Variants in ARHGAP6 observed in about 807,000 individuals in gnomAD.
ARHGAP6 encodes the protein rho GTPase-activating protein 6.
In ARHGAP6, 16 loss-of-function variants were observed where a neutral mutation model predicts 55.7. That is an observed-to-expected ratio of 0.29 (90% CI 0.19 to 0.44). The LOEUF is 0.44. ARHGAP6 is among the 20% of genes least tolerant of loss of function. ARHGAP6 has a pLI of 1.00. For missense variants in ARHGAP6, 698 were observed against 808.9 expected, an observed-to-expected ratio of 0.86 and a Z score of 1.66; for synonymous variants, 382 against 360.9, an observed-to-expected ratio of 1.06 and a Z score of -0.66.
At chrX:11,571,276 G>A (rs1208936753) in intron 1 of ARHGAP6, among the ~76,000 whole-genome samples, 1 of 111,364 alleles carries the variant, frequency 9.0e-6, no homozygotes, top group African/African-American at 3.3e-5. Flanking sequence ...TTTTCATAGA[G>A]GGGTCACCTG....
intron 1 of ARHGAP6, among the ~76,000 whole-genome samples, chrX:11,593,232 G>A (rs1045286570): frequency 1.8e-5 from 2 of 111,869 alleles, no homozygotes; most frequent in Non-Finnish European, 3.8e-5. Flanking sequence ...AGAACCTCCT[G>A]TTCTTGTGAT....
intron 1 of ARHGAP6, among the ~76,000 whole-genome samples, chrX:11,339,844 C>T (rs1483500369): frequency 9.0e-6 from 1 of 111,173 alleles, no homozygotes; most frequent in Non-Finnish European, 1.9e-5. Flanking sequence ...ACTTGTTTCT[C>T]TCTCAATATT....
chrX:11,640,931 C>T (rs763253291), intron 1 of ARHGAP6, among the ~76,000 whole-genome samples: 2 of 111,476 alleles, frequency 1.8e-5, no homozygotes, highest in Non-Finnish European at 3.8e-5. Context: ...TTCCCTGTGT[C>T]CTACCTACCT....
At chrX:11,641,324 G>A (rs146332884) in intron 1 of ARHGAP6, among the ~76,000 whole-genome samples, 1,217 of 111,619 alleles carry the variant, frequency 0.011, 16 homozygotes, top group African/African-American at 0.038. Flanking sequence ...CATAGAAGCA[G>A]AGCAATTTCT....
intron 1 of ARHGAP6, among the ~76,000 whole-genome samples, chrX:11,420,042 A>G (rs951531521): frequency 1.8e-5 from 2 of 112,358 alleles, no homozygotes; most frequent in African/African-American, 6.5e-5. Context: ...TTTTCATTTG[A>G]AAGAGTCATG....
intron 1 of ARHGAP6, among the ~76,000 whole-genome samples, chrX:11,393,262 C>G (rs770621629): frequency 5.8e-4 from 64 of 109,857 alleles, no homozygotes; most frequent in African/African-American, 2.0e-3. Flanking sequence ...TTAAAGAAAA[C>G]AAACAAAAGC....
At chrX:11,660,067 G>A (rs756646069) in intron 1 of ARHGAP6, among the ~76,000 whole-genome samples, 3 of 111,517 alleles carry the variant, frequency 2.7e-5, no homozygotes, top group Non-Finnish European at 5.6e-5. Context: ...ACAGTGAGAC[G>A]CTTCGTAATT....
chrX:11,500,972 G>C (rs2050672338), intron 1 of ARHGAP6, among the ~76,000 whole-genome samples: 1 of 110,453 alleles, frequency 9.1e-6, no homozygotes, highest in Non-Finnish European at 1.9e-5. Flanking sequence ...TTGTTGGCAA[G>C]GTTTTGAAAC....
chrX:11,602,899 T>C (rs753110984), intron 1 of ARHGAP6, among the ~76,000 whole-genome samples: 3 of 112,578 alleles, frequency 2.7e-5, no homozygotes, highest in Non-Finnish European at 3.8e-5. Flanking sequence ...CTCAACTCAC[T>C]TGAGTGCTTA....
At chrX:11,283,749 A>C (rs979904900) in intron 1 of ARHGAP6, among the ~76,000 whole-genome samples, 34 of 111,483 alleles carry the variant, frequency 3.0e-4, no homozygotes, top group African/African-American at 9.1e-4. Flanking sequence ...AGATGGAGGA[A>C]GGAAACATGA....
intron 9 of ARHGAP6, among the ~76,000 whole-genome samples, chrX:11,168,636 C>T (rs2046047743): frequency 9.0e-6 from 1 of 111,232 alleles, no homozygotes; most frequent in African/African-American, 3.3e-5. Context: ...AAGGAAGGAG[C>T]CACAAAAGGC....
At chrX:11,427,037 G>A (rs1393972801) in intron 1 of ARHGAP6, among the ~76,000 whole-genome samples, 2 of 110,457 alleles carry the variant, frequency 1.8e-5, no homozygotes, top group Non-Finnish European at 3.8e-5. Flanking sequence ...ATTCTGTCCC[G>A]CCACAAAGTA....
At chrX:11,495,168 A>G (rs1255844502) in intron 1 of ARHGAP6, among the ~76,000 whole-genome samples, 1 of 112,056 alleles carries the variant, frequency 8.9e-6, no homozygotes, top group South Asian at 3.8e-4. Flanking sequence ...ATAGAGGCAG[A>G]AAATTCAGTT....
At chrX:11,285,868 A>G (rs984626405) in intron 1 of ARHGAP6, among the ~76,000 whole-genome samples, 2 of 112,616 alleles carry the variant, frequency 1.8e-5, no homozygotes, top group Non-Finnish European at 3.8e-5. Context: ...TCCTCTTTTT[A>G]GTCCATTCCT....
At chrX:11,526,443 G>GCACCT (rs199515932) in intron 1 of ARHGAP6, among the ~76,000 whole-genome samples, 4,944 of 111,811 alleles carry the variant, frequency 0.044, 280 homozygotes, top group African/African-American at 0.15. Context: ...GAAGCAGGCA[G>GCACCT]GACACCAGAA....
chrX:11,475,898 A>G (rs1348951252), intron 1 of ARHGAP6, among the ~76,000 whole-genome samples: 4 of 110,724 alleles, frequency 3.6e-5, no homozygotes, highest in Non-Finnish European at 7.6e-5. Context: ...CAAATAAACA[A>G]AACAATAGGA....
At chrX:11,365,581 TC>T (rs753587378) in intron 1 of ARHGAP6, among the ~76,000 whole-genome samples, 27 of 112,761 alleles carry the variant, frequency 2.4e-4, no homozygotes, top group African/African-American at 8.4e-4. Flanking sequence ...TGTGTTATTG[TC>T]ATGTAGACCA....
At chrX:11,392,160 A>C (rs1349235224) in intron 1 of ARHGAP6, among the ~76,000 whole-genome samples, 3 of 112,491 alleles carry the variant, frequency 2.7e-5, no homozygotes, top group Non-Finnish European at 5.6e-5. Context: ...TTGTAGACCA[A>C]AGGAAGCTCA....
chrX:11,205,195 A>G (rs920721406), intron 2 of ARHGAP6, among the ~76,000 whole-genome samples: 1 of 110,640 alleles, frequency 9.0e-6, no homozygotes, highest in African/African-American at 3.3e-5. Flanking sequence ...CTTCTTTCCC[A>G]TATGTAAAAT....
Sources: allele counts gnomAD v4.1 joint callset (sites outside exome capture counted in the v4.1 genomes callset), GRCh38; gene constraint gnomAD v4.1.1; transcripts MANE v1.5; gene names NCBI Gene and HGNC (gene_info 2026-07-23, HGNC 2026-07-21).